CYP39A1: variants seen among roughly 807,000 people sequenced by gnomAD.
CYP39A1 encodes the protein 24-hydroxycholesterol 7-alpha-hydroxylase.
CYP39A1 carries 49 observed loss-of-function variants against 58.1 expected under a neutral mutation model. The observed-to-expected ratio is 0.84, with a 90% CI of 0.67 to 1.07. The LOEUF is 1.07. Among genes scored for constraint, CYP39A1 ranks in the 50% least tolerant of loss-of-function variants. The pLI, the probability that CYP39A1 is intolerant of heterozygous loss-of-function variation, is 0.00. For missense variants in CYP39A1, 531 were observed against 539.4 expected (o/e 0.98, Z 0.16); for synonymous variants, 209 against 187.6 (o/e 1.11, Z -0.93).
intron 10 of CYP39A1, among the ~76,000 whole-genome samples, chr6:46,554,794 A>G (rs556398137): frequency 6.6e-6 from 1 of 152,076 alleles, no homozygotes; most frequent in Non-Finnish European, 1.5e-5. Context: ...TCCATATCCA[A>G]TTAGGCACCA....
intron 2 of CYP39A1, among the ~76,000 whole-genome samples, chr6:46,640,309 T>TTC (rs902944133): frequency 1.3e-5 from 2 of 152,088 alleles, no homozygotes; most frequent in Non-Finnish European, 2.9e-5. Context: ...GCTCAGAATG[T>TTC]TCTCTCCTTT....
intron 7 of CYP39A1, among the ~76,000 whole-genome samples, chr6:46,622,686 A>G (rs935244176): frequency 1.3e-5 from 2 of 152,170 alleles, no homozygotes; most frequent in African/African-American, 4.8e-5. Flanking sequence ...GCAGATAATG[A>G]AGACTTAGGA....
chr6:46,558,560 G>C (rs1770783190), intron 10 of CYP39A1, among the ~76,000 whole-genome samples: 1 of 152,074 alleles, frequency 6.6e-6, no homozygotes, highest in Admixed American at 6.6e-5. Flanking sequence ...CATGAGATTT[G>C]GGTGGGGACA....
intron 7 of CYP39A1, among the ~76,000 whole-genome samples, chr6:46,605,004 T>C (rs980935808): frequency 2.3e-4 from 32 of 138,106 alleles, no homozygotes; most frequent in African/African-American, 6.1e-4. Context: ...CTGATGAGCT[T>C]AAAAAAAAAA....
intron 1 of CYP39A1, among the ~76,000 whole-genome samples, chr6:46,650,725 G>A (rs1393380900): frequency 2.0e-5 from 3 of 151,410 alleles, no homozygotes; most frequent in Admixed American, 6.6e-5. Flanking sequence ...TATATCTCCC[G>A]GGCTGGTCTT....
intron 10 of CYP39A1, among the ~76,000 whole-genome samples, chr6:46,581,948 G>A (rs1268171379): frequency 6.6e-6 from 1 of 152,128 alleles, no homozygotes; most frequent in Non-Finnish European, 1.5e-5. Context: ...GTGACTCATT[G>A]CTCCTTTGCA....
intron 7 of CYP39A1, among the ~76,000 whole-genome samples, chr6:46,616,692 G>A (rs1774631565): frequency 6.6e-6 from 1 of 152,086 alleles, no homozygotes; most frequent in African/African-American, 2.4e-5. Context: ...TCATATAACG[G>A]GAGTGCAACA....
In CYP39A1 at chr6:46,625,375, A is replaced by C. The variant is rs1413823380; in HGVS notation, c.931+43T>G. On this transcript the variant is annotated intron_variant, in intron 7 of 11. Transcript: ENST00000275016. The stretch of plus-strand genomic sequence containing the variant: ...GCTTTGCCAATAATGTGTGACAAAC[A>C]TGCATTATTAGCTGTGTCTTCCTAT... The C allele has an allele frequency of 1.5e-6, 2 of 1,354,594 alleles. 1 individual carries two copies. The highest frequency in any genetic ancestry group is 2.9e-5 in the African/African-American group (2 of 69,080). The allele number at this position is 1,354,594 out of a possible 1,614,324, so 83.9% of individuals were successfully genotyped here. A position where few individuals can be genotyped will look rare whatever the true frequency, so the allele number is the denominator to read the frequency against.
At chr6:46,572,407 C>T (rs967424784) in intron 10 of CYP39A1, among the ~76,000 whole-genome samples, 3 of 152,100 alleles carry the variant, frequency 2.0e-5, no homozygotes, top group African/African-American at 7.2e-5. Flanking sequence ...CTTTATCTCA[C>T]CTTCATTTTT....
intron 10 of CYP39A1, among the ~76,000 whole-genome samples, chr6:46,565,681 T>C (rs1771236719): frequency 6.6e-6 from 1 of 152,068 alleles, no homozygotes; most frequent in Non-Finnish European, 1.5e-5. Flanking sequence ...ACAGAGGGAT[T>C]AAGTGCTTGG....
chr6:46,601,207 GT>G (rs34920302), intron 7 of CYP39A1, among the ~76,000 whole-genome samples: 18,993 of 152,114 alleles, frequency 0.12, 1,233 homozygotes, highest in Middle Eastern at 0.18. Context: ...AGCAAAATTT[GT>G]TTTTATTTGC....
intron 7 of CYP39A1, among the ~76,000 whole-genome samples, chr6:46,623,446 G>A (rs901148174): frequency 2.0e-5 from 3 of 152,116 alleles, no homozygotes; most frequent in African/African-American, 7.2e-5. Flanking sequence ...GTGTCTGTGA[G>A]GGTGTTTCTG....
In CYP39A1 at chr6:46,652,616, T is replaced by G. The variant is rs529215554; in HGVS notation, c.-34A>C. ...CCAGCACCTTCCAGAAGCAGAAAAG[T>G]GTGAAACAGTCCTGCCGTCCCTTGC... On this transcript the variant is annotated 5_prime_UTR_variant, in exon 1 of 12. Transcript: ENST00000275016. The G allele has an allele frequency of 1.3e-6, 2 of 1,547,480 alleles. No individual in the cohort carries two copies. The highest frequency in any genetic ancestry group is 2.8e-5 in the African/African-American group (2 of 72,548).
chr6:46,581,089 T>C (rs1772105814), intron 10 of CYP39A1, among the ~76,000 whole-genome samples: 2 of 152,190 alleles, frequency 1.3e-5, no homozygotes, highest in African/African-American at 4.8e-5. Flanking sequence ...TCAACCTAGA[T>C]GCCCACTAAC....
At chr6:46,594,758 T>C (rs1469254988) in intron 8 of CYP39A1, among the ~76,000 whole-genome samples, 3 of 151,890 alleles carry the variant, frequency 2.0e-5, no homozygotes, top group Non-Finnish European at 2.9e-5. Flanking sequence ...GGCAACAATT[T>C]TTTGAGAATA....
Position 46,645,347 on chromosome 6 carries a change from G to A in CYP39A1, c.178-3049C>T, listed in dbSNP as rs547382992. Among the ~76,000 whole-genome samples, 116 of 152,136 alleles carry A rather than the reference G, an allele frequency of 7.6e-4. No individual in the cohort carries two copies. The Middle Eastern group carries it at 0.01, about 13-fold the overall frequency. On this transcript the variant is annotated intron_variant, in intron 1 of 11. Coordinates refer to ENST00000275016, the MANE Select transcript of CYP39A1 (RefSeq NM_016593.5). Reference sequence around the variant, plus strand: ...GGACTTAGGTAGAAATTCATGTTTTGTGTGTGTTGGGGGTGGTTCTTTGTT... The same window carrying A: ...GGACTTAGGTAGAAATTCATGTTTTATGTGTGTTGGGGGTGGTTCTTTGTT...
chr6:46,586,396 G>T (rs1040341570), intron 10 of CYP39A1: 91 of 982,384 alleles, frequency 9.3e-5, no homozygotes, highest in Non-Finnish European at 1.0e-4. Flanking sequence ...AATGTAGATT[G>T]TAAATTCTAT....
chr6:46,565,845 A>T (rs1246583560), intron 10 of CYP39A1, among the ~76,000 whole-genome samples: 2 of 152,156 alleles, frequency 1.3e-5, no homozygotes, highest in African/African-American at 2.4e-5. Flanking sequence ...ATCACACATC[A>T]TTACCCTATG....
At chr6:46,563,092 TAA>T (rs967574366) in intron 10 of CYP39A1, among the ~76,000 whole-genome samples, 67 of 149,880 alleles carry the variant, frequency 4.5e-4, no homozygotes, top group African/African-American at 1.6e-3. Flanking sequence ...AATTCACCAC[TAA>T]AGTTTTTTTC....
Sources: gnomAD v4.1 joint callset for allele counts (sites outside exome capture counted in the v4.1 genomes callset) on GRCh38, gnomAD v4.1.1 for gene constraint, MANE v1.5 for transcripts, NCBI Gene and HGNC (gene_info 2026-07-23, HGNC 2026-07-21) for gene names.